Variants in SLC14A2 observed in about 807,000 individuals in gnomAD.
The protein encoded by SLC14A2 is solute carrier family 14 member 2.
SLC14A2 carries 91 observed loss-of-function variants against 104.6 expected under a neutral mutation model. The ratio of observed to expected loss-of-function variants is 0.87; its 90% CI spans 0.73 to 1.04. The LOEUF is 1.04. Among genes scored for constraint, SLC14A2 ranks in the 50% least tolerant of loss-of-function variants. SLC14A2 has a pLI of 0.00. For missense variants in SLC14A2, 1,189 were observed against 1,156.0 expected, an observed-to-expected ratio of 1.03 and a Z score of -0.41; for synonymous variants, 476 against 466.4, an observed-to-expected ratio of 1.02 and a Z score of -0.27.
At chr18:45,504,737 T>C (rs2043255301) in intron 2 of SLC14A2, among the ~76,000 whole-genome samples, 1 of 152,212 alleles carries the variant, frequency 6.6e-6, no homozygotes, top group Non-Finnish European at 1.5e-5. Context: ...CAGGAACTTA[T>C]TAAAACCAAC....
rs1433718272 is a variant in SLC14A2, at chr18:45,643,141, G to C, written c.1136G>C (p.Cys379Ser). 6 of 1,614,052 alleles carry C rather than the reference G, an allele frequency of 3.7e-6. No individual in the cohort carries two copies. The highest frequency in any genetic ancestry group is 5.1e-6 in the Non-Finnish European group (6 of 1,180,024). ...CCTTGTTCCTCCACAGCCCTGTTCT[G>C]TGCATACATGGAAGCAGCCATCTCC... ...HLLALICALFCAYMEAAISNI... is the reference protein window; with the variant it reads ...HLLALICALFSAYMEAAISNI... Residue 379 changes from cysteine to serine, a missense_variant, in exon 9 of 20, where the codon TGT becomes TCT. Transcript: ENST00000255226.
chr18:45,292,928 G>A (rs2084883820), intron 1 of SLC14A2, among the ~76,000 whole-genome samples: 1 of 151,338 alleles, frequency 6.6e-6, no homozygotes, highest in South Asian at 2.1e-4. Context: ...GATGATATGT[G>A]ATGTGCAAGT....
At chr18:45,357,998 A>G (rs1277752340) in intron 1 of SLC14A2, among the ~76,000 whole-genome samples, 2 of 152,204 alleles carry the variant, frequency 1.3e-5, no homozygotes, top group Non-Finnish European at 2.9e-5. Flanking sequence ...GATTGTGCAT[A>G]TCTTCAGTTG....
At chr18:45,171,286 C>T in the SLC14A2 span, among the ~76,000 whole-genome samples, 1 of 151,778 alleles carries the variant, frequency 6.6e-6, no homozygotes, top group Non-Finnish European at 1.5e-5. Context: ...TTAGAGAAAA[C>T]GTCTAGTTTA....
At chr18:45,226,563 A>T (rs998574159) in intron 1 of SLC14A2, among the ~76,000 whole-genome samples, 2 of 151,690 alleles carry the variant, frequency 1.3e-5, no homozygotes, top group Admixed American at 6.6e-5. Flanking sequence ...GCAAACTATC[A>T]CAAGGACAGA....
intron 2 of SLC14A2, among the ~76,000 whole-genome samples, chr18:45,561,457 G>A (rs962368682): frequency 6.6e-6 from 1 of 152,144 alleles, no homozygotes; most frequent in Non-Finnish European, 1.5e-5. Context: ...TTCCTGGCCT[G>A]GCTGCAGCTC....
chr18:45,589,146 C>T (rs2044612098), intron 2 of SLC14A2, among the ~76,000 whole-genome samples: 1 of 152,152 alleles, frequency 6.6e-6, no homozygotes, highest in South Asian at 2.1e-4. Context: ...ACTCGGCGGC[C>T]TCGGCCAGGA....
At chr18:45,202,377 G>C in the SLC14A2 span, among the ~76,000 whole-genome samples, 152 of 152,270 alleles carry the variant, frequency 1.0e-3, 2 homozygotes, top group Middle Eastern at 3.4e-3. Flanking sequence ...TAAAATCTAA[G>C]ATTTCAGAGA....
chr18:45,650,575 C>A (rs1336402493), intron 10 of SLC14A2, among the ~76,000 whole-genome samples: 1 of 152,174 alleles, frequency 6.6e-6, no homozygotes. Context: ...CCAGGATTGA[C>A]AACAAACCAG....
intron 2 of SLC14A2, among the ~76,000 whole-genome samples, chr18:45,597,601 T>C (rs2044732730): frequency 6.6e-6 from 1 of 152,166 alleles, no homozygotes; most frequent in African/African-American, 2.4e-5. Context: ...GGGCAGGTCA[T>C]GGAGACCAGT....
intron 1 of SLC14A2, among the ~76,000 whole-genome samples, chr18:45,431,056 T>C (rs904309196): frequency 2.0e-5 from 3 of 152,218 alleles, no homozygotes; most frequent in Admixed American, 6.5e-5. Flanking sequence ...TTATATAATC[T>C]ACTTTAGATC....
chr18:45,305,008 A>G (rs1568143686), intron 1 of SLC14A2, among the ~76,000 whole-genome samples: 1 of 152,010 alleles, frequency 6.6e-6, no homozygotes, highest in African/African-American at 2.4e-5. Context: ...GGCAGAAACT[A>G]CCCCCTGAGA....
the SLC14A2 span, among the ~76,000 whole-genome samples, chr18:45,201,953 C>T: frequency 4.6e-5 from 7 of 152,088 alleles, no homozygotes; most frequent in Non-Finnish European, 8.8e-5. Context: ...TCAGACCACC[C>T]ATCTCTTCTA....
chr18:45,221,797 A>G (rs1260544310), intron 1 of SLC14A2, among the ~76,000 whole-genome samples: 1 of 152,080 alleles, frequency 6.6e-6, no homozygotes, highest in Non-Finnish European at 1.5e-5. Flanking sequence ...GAGTGTGTAG[A>G]GGTCAGCAAA....
intron 2 of SLC14A2, among the ~76,000 whole-genome samples, chr18:45,568,318 A>G (rs1050929209): frequency 6.6e-6 from 1 of 152,186 alleles, no homozygotes; most frequent in South Asian, 2.1e-4. Flanking sequence ...GTGTGTCCCT[A>G]CCTCATGATT....
chr18:45,680,081 T>C (rs2046289764), intron 19 of SLC14A2, among the ~76,000 whole-genome samples: 1 of 152,110 alleles, frequency 6.6e-6, no homozygotes, highest in African/African-American at 2.4e-5. Flanking sequence ...CAGGGTGTTT[T>C]AGAACCGGGG....
At chr18:45,645,612 A>AAT (rs200386593) in intron 10 of SLC14A2, among the ~76,000 whole-genome samples, 318 of 27,752 alleles carry the variant, frequency 0.011, 17 homozygotes, top group African/African-American at 0.031. Flanking sequence ...GGTCTTTTTA[A>AAT]ATATATATAT....
At chr18:45,247,612 G>T (rs548445811) in intron 1 of SLC14A2, among the ~76,000 whole-genome samples, 1 of 152,010 alleles carries the variant, frequency 6.6e-6, no homozygotes, top group African/African-American at 2.4e-5. Flanking sequence ...GATCTGTCAT[G>T]CTCTAACAGA....
In SLC14A2 at chr18:45,627,054, T is replaced by C. The variant is rs780393332; in HGVS notation, c.428T>C (p.Ile143Thr). 7 of 1,613,810 alleles carry C rather than the reference T, an allele frequency of 4.3e-6. No homozygotes were observed. Among genetic ancestry groups the C allele is most frequent in the South Asian group, 2.2e-5 (2 of 91,054 alleles). ...NNPLSGLIIF[I>T]GLLIQNPWWT... ...CCTCTCAGCGGCCTCATCATCTTCA[T>C]AGGGCTGCTGATCCAGAATCCCTGG... Residue 143 changes from isoleucine to threonine, a missense_variant, in exon 4 of 20, where the codon ATA becomes ACA. Transcript: ENST00000255226.
Sources: allele counts gnomAD v4.1 joint callset (sites outside exome capture counted in the v4.1 genomes callset), GRCh38; gene constraint gnomAD v4.1.1; transcripts MANE v1.5; gene names NCBI Gene and HGNC (gene_info 2026-07-23, HGNC 2026-07-21).